TIPRL: variants seen among roughly 807,000 people sequenced by gnomAD.
The protein encoded by TIPRL is TOR signaling pathway regulator.
A neutral mutation model predicts 32.3 loss-of-function variants in TIPRL; 10 were observed. The ratio of observed to expected loss-of-function variants is 0.31; its 90% confidence interval spans 0.19 to 0.52. TIPRL has a LOEUF of 0.52. TIPRL is among the 20% of genes least tolerant of loss of function. The pLI, the probability that TIPRL is intolerant of heterozygous loss-of-function variation, is 0.96. For synonymous variants in TIPRL, 100 were observed against 114.0 expected, an observed-to-expected ratio of 0.88 and a Z score of 0.78; for missense variants, 250 against 328.1, an observed-to-expected ratio of 0.76 and a Z score of 1.84.
chr1:168,184,117 T>C (rs1699999759), intron 2 of TIPRL, 36 bp downstream of exon 2: 1 of 1,567,276 alleles, frequency 6.4e-7, no homozygotes, highest in Non-Finnish European at 8.7e-7. Flanking sequence ...ACAAAAAAGG[T>C]AATTAGGTTA....
At chr1:168,180,682 A>C (rs1178026980) in intron 1 of TIPRL, among the ~76,000 whole-genome samples, 1 of 152,170 alleles carries the variant, frequency 6.6e-6, no homozygotes, top group African/African-American at 2.4e-5. Context: ...ATAAGTGGTA[A>C]TATTCTAGTA....
chr1:168,189,148 A>G (rs551033040), intron 3 of TIPRL, among the ~76,000 whole-genome samples: 1 of 152,364 alleles, frequency 6.6e-6, no homozygotes, highest in South Asian at 2.1e-4. Context: ...AGCCAGTGCT[A>G]TGCCTCAGGG....
intron 4 of TIPRL, among the ~76,000 whole-genome samples, chr1:168,192,758 C>T (rs1325841414): frequency 3.9e-5 from 6 of 151,966 alleles, no homozygotes; most frequent in East Asian, 1.9e-4. Context: ...CAGTGGCGGG[C>T]GCCTGTAGTC....
At chr1:168,189,330 G>A (rs1443056291) in intron 3 of TIPRL, among the ~76,000 whole-genome samples, 2 of 152,066 alleles carry the variant, frequency 1.3e-5, no homozygotes, top group Non-Finnish European at 2.9e-5. Flanking sequence ...TACTTATTCT[G>A]CCAATACTGT....
chr1:168,198,209 A>G (rs1039785252), intron 5 of TIPRL, among the ~76,000 whole-genome samples: 1 of 152,170 alleles, frequency 6.6e-6, no homozygotes, highest in Non-Finnish European at 1.5e-5. Context: ...AGTGTTACCT[A>G]TAAGCTGTGA....
intron 3 of TIPRL, among the ~76,000 whole-genome samples, chr1:168,188,305 C>T (rs1311020738): frequency 2.0e-5 from 3 of 152,144 alleles, no homozygotes; most frequent in Non-Finnish European, 2.9e-5. Flanking sequence ...GACAGGCGCT[C>T]GAGAATATTC....
intron 5 of TIPRL, among the ~76,000 whole-genome samples, chr1:168,198,289 A>G (rs1338303665): frequency 1.3e-5 from 2 of 152,178 alleles, no homozygotes; most frequent in African/African-American, 4.8e-5. Flanking sequence ...GTTTTTATTA[A>G]TACAAGAGAG....
At chr1:168,197,139 C>T (rs1280287630) in intron 5 of TIPRL, among the ~76,000 whole-genome samples, 1 of 152,080 alleles carries the variant, frequency 6.6e-6, no homozygotes, top group Non-Finnish European at 1.5e-5. Flanking sequence ...CATGGTGAAA[C>T]CCTGTCTCTA....
chr1:168,182,788 A>G (rs926986833), intron 1 of TIPRL, among the ~76,000 whole-genome samples: 1 of 152,238 alleles, frequency 6.6e-6, no homozygotes, highest in Non-Finnish European at 1.5e-5. Context: ...ACAGACTCAC[A>G]TATTATTTCA....
chr1:168,189,192 G>C (rs557235391), intron 3 of TIPRL, among the ~76,000 whole-genome samples: 1 of 152,136 alleles, frequency 6.6e-6, no homozygotes, highest in Non-Finnish European at 1.5e-5. Context: ...TACTTTTCTC[G>C]GCTCCAGTCT....
intron 3 of TIPRL, among the ~76,000 whole-genome samples, chr1:168,190,995 T>G (rs1226525373): frequency 2.0e-5 from 3 of 152,210 alleles, no homozygotes. Flanking sequence ...GTCCTAAAAG[T>G]GGCTTTCACA....
intron 3 of TIPRL, among the ~76,000 whole-genome samples, chr1:168,186,757 C>T (rs1017650515): frequency 2.0e-5 from 3 of 152,176 alleles, no homozygotes; most frequent in East Asian, 3.9e-4. Flanking sequence ...TTGCTTGAAC[C>T]CAGGAGGCAG....
chr1:168,182,580 C>T (rs1015201198), intron 1 of TIPRL, among the ~76,000 whole-genome samples: 4 of 152,058 alleles, frequency 2.6e-5, no homozygotes, highest in Admixed American at 6.6e-5. Flanking sequence ...GAGCCAAGAT[C>T]GTGCCATTGC....
chr1:168,180,233 AAAT>A (rs202069989), intron 1 of TIPRL, among the ~76,000 whole-genome samples: 1,902 of 152,252 alleles, frequency 0.012, 38 homozygotes, highest in African/African-American at 0.042. Context: ...ATGGGAGGAG[AAAT>A]AAAAAAGGAA....
intron 4 of TIPRL, 97 bp from the exon 5 acceptor site, chr1:168,196,450 T>A (rs1405165766): frequency 2.4e-5 from 18 of 750,596 alleles, no homozygotes; most frequent in Admixed American, 7.3e-5. Context: ...TATTCCAGGG[T>A]TTTTTTGTTT....
chr1:168,193,351 T>C (rs750742508), intron 4 of TIPRL, among the ~76,000 whole-genome samples: 1 of 152,210 alleles, frequency 6.6e-6, no homozygotes, highest in Non-Finnish European at 1.5e-5. Flanking sequence ...TGAAACTAAT[T>C]GCAAAGTTTT....
intron 4 of TIPRL, 62 bp downstream of exon 4, chr1:168,191,562 A>G: frequency 7.5e-7 from 1 of 1,334,940 alleles, no homozygotes; most frequent in Non-Finnish European, 9.8e-7. Context: ...AGACAAAAAT[A>G]TGACTCACTT....
intron 1 of TIPRL, among the ~76,000 whole-genome samples, chr1:168,183,377 A>ATTTTTTTTTTT (rs55731463): frequency 5.4e-5 from 7 of 129,766 alleles, no homozygotes; most frequent in East Asian, 2.2e-4. Context: ...AATTCCTGTG[A>ATTTTTTTTTTT]TTTTTTTTTT....
intron 1 of TIPRL, among the ~76,000 whole-genome samples, chr1:168,182,820 G>T (rs1373261667): frequency 6.6e-6 from 1 of 152,178 alleles, no homozygotes; most frequent in African/African-American, 2.4e-5. Flanking sequence ...CATTATTCAA[G>T]TTAAAACTTA....
Sources: gnomAD v4.1 joint callset for allele counts (sites outside exome capture counted in the v4.1 genomes callset) on GRCh38, gnomAD v4.1.1 for gene constraint, MANE v1.5 for transcripts, NCBI Gene and HGNC (gene_info 2026-07-23, HGNC 2026-07-21) for gene names.